The following PRKG1 variants were observed in gnomAD, a reference collection of about 807,000 sequenced individuals.
The protein encoded by PRKG1 is cGMP-dependent protein kinase 1.
PRKG1 carries 35 observed loss-of-function variants against 88.1 expected under a neutral mutation model. The observed-to-expected ratio is 0.40, with a 90% CI of 0.30 to 0.53. The LOEUF is 0.53. PRKG1 is among the 20% of genes least tolerant of loss of function. PRKG1 has a pLI of 0.59. For synonymous variants in PRKG1, 303 were observed against 292.5 expected, an observed-to-expected ratio of 1.04 and a Z score of -0.37; for missense variants, 540 against 839.8, an observed-to-expected ratio of 0.64 and a Z score of 4.41.
intron 1 of PRKG1, among the ~76,000 whole-genome samples, chr10:51,001,462 T>C (rs1008007008): frequency 6.6e-6 from 1 of 152,264 alleles, no homozygotes. Flanking sequence ...TATTTTCCCT[T>C]AATCTGTTCC....
chr10:51,477,823 C>T (rs1840241863), intron 3 of PRKG1, among the ~76,000 whole-genome samples: 1 of 151,992 alleles, frequency 6.6e-6, no homozygotes, highest in Non-Finnish European at 1.5e-5. Context: ...GATCCAGAGA[C>T]TGGAGGTCCT....
chr10:51,069,405 T>G (rs1176584698), intron 1 of PRKG1, among the ~76,000 whole-genome samples: 1 of 152,044 alleles, frequency 6.6e-6, no homozygotes, highest in African/African-American at 2.4e-5. Flanking sequence ...TAGGAATTAA[T>G]AAAATAGCAG....
chr10:52,065,300 A>G (rs1239741931), intron 7 of PRKG1, among the ~76,000 whole-genome samples: 1 of 152,150 alleles, frequency 6.6e-6, no homozygotes, highest in African/African-American at 2.4e-5. Flanking sequence ...TTATTTTTCT[A>G]TCGAATTTCA....
At chr10:51,843,476 G>A (rs578063974) in intron 4 of PRKG1, among the ~76,000 whole-genome samples, 2 of 152,146 alleles carry the variant, frequency 1.3e-5, no homozygotes, top group Non-Finnish European at 2.9e-5. Context: ...TCAACATTAT[G>A]TCCTCAAGCC....
At chr10:51,631,194 G>A (rs1839517322) in intron 3 of PRKG1, among the ~76,000 whole-genome samples, 2 of 152,158 alleles carry the variant, frequency 1.3e-5, no homozygotes, top group Non-Finnish European at 2.9e-5. Flanking sequence ...GTCTTCTGCT[G>A]TCTCATCATT....
chr10:51,163,281 CA>C (rs1846415181), intron 2 of PRKG1, among the ~76,000 whole-genome samples: 1 of 152,114 alleles, frequency 6.6e-6, no homozygotes, highest in Non-Finnish European at 1.5e-5. Context: ...TGTTCAATTT[CA>C]ATATAAAAGC....
intron 2 of PRKG1, among the ~76,000 whole-genome samples, chr10:51,322,970 A>G (rs757983222): frequency 1.3e-5 from 2 of 152,220 alleles, no homozygotes; most frequent in Non-Finnish European, 2.9e-5. Flanking sequence ...TAAGTACTTT[A>G]TCTACATTAT....
intron 5 of PRKG1, among the ~76,000 whole-genome samples, chr10:51,990,932 T>G (rs1413113180): frequency 6.6e-6 from 1 of 152,206 alleles, no homozygotes; most frequent in Non-Finnish European, 1.5e-5. Flanking sequence ...CCATGGTGTA[T>G]ATGTACCACG....
chr10:52,286,358 A>G (rs1432036570), intron 14 of PRKG1, among the ~76,000 whole-genome samples: 2 of 152,052 alleles, frequency 1.3e-5, no homozygotes, highest in Non-Finnish European at 2.9e-5. Context: ...TTCTTCTTCA[A>G]ATTCAAACAC....
At chr10:51,419,865 G>T (rs1374825099) in intron 2 of PRKG1, among the ~76,000 whole-genome samples, 2 of 150,518 alleles carry the variant, frequency 1.3e-5, no homozygotes, top group African/African-American at 2.5e-5. Context: ...GATTTGTCTA[G>T]TGTAGCAGCA....
intron 1 of PRKG1, among the ~76,000 whole-genome samples, chr10:51,018,211 C>T (rs923286296): frequency 2.6e-5 from 4 of 152,020 alleles, no homozygotes; most frequent in Admixed American, 2.6e-4. Context: ...TCTTTATTTC[C>T]CCTTTATTGC....
intron 2 of PRKG1, among the ~76,000 whole-genome samples, chr10:51,222,599 G>A (rs1470957839): frequency 6.6e-6 from 1 of 151,978 alleles, no homozygotes; most frequent in Non-Finnish European, 1.5e-5. Context: ...AATAACTCTC[G>A]CCCAAAGTTT....
intron 9 of PRKG1, among the ~76,000 whole-genome samples, chr10:52,234,075 G>C (rs1028749955): frequency 6.6e-6 from 1 of 151,922 alleles, no homozygotes; most frequent in African/African-American, 2.4e-5. Context: ...ACACAGCAGG[G>C]TATTCCAACA....
chr10:51,799,350 C>T (rs1444514586), intron 3 of PRKG1, among the ~76,000 whole-genome samples: 1 of 152,070 alleles, frequency 6.6e-6, no homozygotes, highest in Non-Finnish European at 1.5e-5. Context: ...ACTTCTGTCT[C>T]ACCTCTGACT....
chr10:52,265,333 A>T (rs533290108), intron 10 of PRKG1, among the ~76,000 whole-genome samples: 36 of 152,228 alleles, frequency 2.4e-4, no homozygotes, highest in South Asian at 6.2e-4. Context: ...TTCATATGGG[A>T]CTTTTGCATA....
At chr10:51,258,351 G>A (rs944824636) in intron 2 of PRKG1, among the ~76,000 whole-genome samples, 6 of 152,134 alleles carry the variant, frequency 3.9e-5, no homozygotes, top group East Asian at 3.8e-4. Context: ...ATGTGATTTC[G>A]ACATTTTAAG....
chr10:51,921,643 A>G (rs1382759109), intron 5 of PRKG1, among the ~76,000 whole-genome samples: 1 of 152,110 alleles, frequency 6.6e-6, no homozygotes, highest in Non-Finnish European at 1.5e-5. Flanking sequence ...ATTTTGTGAA[A>G]TGCTTTTTCT....
rs562867650 is a variant in PRKG1, at chr10:51,463,152, C to T, written c.479-4571C>T. 2.0e-5 allele frequency among the ~76,000 whole-genome samples: 3 copies of T among 152,074 alleles called. No homozygotes were observed. The East Asian group carries it at 5.8e-4, about 29-fold the overall frequency. ...TAACATATTTGAAACTGAAACTAAA[C>T]TGAAGTATTAAAACAATCATGAATA... On this transcript the variant is annotated intron_variant, in intron 2 of 17. Coordinates refer to ENST00000373980, the MANE Select transcript of PRKG1 (RefSeq NM_006258.4).
At chr10:51,414,302 G>A (rs776657114) in intron 2 of PRKG1, among the ~76,000 whole-genome samples, 41 of 152,206 alleles carry the variant, frequency 2.7e-4, no homozygotes, top group Admixed American at 1.1e-3. Context: ...GGACAAACAG[G>A]ACGGTGCTAG....
Sources: allele counts gnomAD v4.1 joint callset (sites outside exome capture counted in the v4.1 genomes callset), GRCh38; gene constraint gnomAD v4.1.1; transcripts MANE v1.5; gene names NCBI Gene and HGNC (gene_info 2026-07-23, HGNC 2026-07-21).